PRELID2: variants seen among roughly 807,000 people sequenced by gnomAD.
PRELID2 encodes the protein PRELI domain containing 2.
Under a neutral mutation model 28.4 loss-of-function variants are expected in PRELID2, and 25 were observed. The observed-to-expected ratio is 0.88, with a 90% CI of 0.64 to 1.23. PRELID2 has a LOEUF of 1.23. PRELID2 is among the 50% of genes most tolerant of loss of function. The pLI, the probability that PRELID2 is intolerant of heterozygous loss-of-function variation, is 0.00. For synonymous variants in PRELID2, 76 were observed against 71.6 expected (o/e 1.06, Z -0.31); for missense variants, 201 against 214.4 (o/e 0.94, Z 0.39).
chr5:145,435,109 G>C, the PRELID2 span, among the ~76,000 whole-genome samples: 3 of 152,124 alleles, frequency 2.0e-5, no homozygotes, highest in East Asian at 5.8e-4. Context: ...CAGTGGGCAA[G>C]ACAAAACCTT....
intron 1 of PRELID2, among the ~76,000 whole-genome samples, chr5:145,667,120 C>T (rs184631628): frequency 2.1e-4 from 32 of 152,116 alleles, no homozygotes; most frequent in African/African-American, 4.8e-4. Context: ...AGTCTCAATA[C>T]GCAGAGAAAA....
chr5:145,340,770 C>CATATATATATATATATATAT, the PRELID2 span, among the ~76,000 whole-genome samples: 184 of 116,520 alleles, frequency 1.6e-3, 3 homozygotes, highest in South Asian at 2.4e-3. Flanking sequence ...TAAAAATATA[C>CATATATATATATATATATAT]ATATATATAT....
chr5:145,701,094 G>T (rs1755395479), intron 1 of PRELID2, among the ~76,000 whole-genome samples: 1 of 152,180 alleles, frequency 6.6e-6, no homozygotes, highest in African/African-American at 2.4e-5. Context: ...TCCATGGATG[G>T]CAATTCCAAG....
chr5:145,732,967 T>C (rs1043706157), intron 1 of PRELID2, among the ~76,000 whole-genome samples: 2 of 151,568 alleles, frequency 1.3e-5, no homozygotes, highest in African/African-American at 4.8e-5. Context: ...GAACACATTA[T>C]TTGTATAGGT....
the PRELID2 span, among the ~76,000 whole-genome samples, chr5:145,365,154 C>G: frequency 7.2e-5 from 11 of 151,744 alleles, no homozygotes; most frequent in South Asian, 2.3e-3. Flanking sequence ...TCAAAGGGTA[C>G]GAAATTTCAG....
intron 1 of PRELID2, among the ~76,000 whole-genome samples, chr5:145,740,265 AATATATATATATATATATATAT>A (rs70998029): frequency 0.04 from 1,630 of 40,690 alleles, 42 homozygotes; most frequent in Non-Finnish European, 0.059. Flanking sequence ...GGATTTATCA[AATATATATATATATATATATAT>A]ATATATATAT....
At chr5:145,467,918 A>G (rs1752017142), downstream of PRELID2, among the ~76,000 whole-genome samples, 2 of 151,032 alleles carry the variant, frequency 1.3e-5, no homozygotes, top group African/African-American at 2.4e-5. Context: ...TTTTTTATAT[A>G]TATATTTTTT....
chr5:145,612,048 G>A (rs898361407), intron 1 of PRELID2, among the ~76,000 whole-genome samples: 1 of 152,104 alleles, frequency 6.6e-6, no homozygotes, highest in Non-Finnish European at 1.5e-5. Context: ...AAAACCAGGT[G>A]TTTTACCAAC....
chr5:145,700,646 C>G (rs1755384496), intron 1 of PRELID2, among the ~76,000 whole-genome samples: 1 of 152,110 alleles, frequency 6.6e-6, no homozygotes, highest in African/African-American at 2.4e-5. Flanking sequence ...TCCTTGCTGC[C>G]CACCACAGGT....
chr5:145,414,654 C>A, the PRELID2 span, among the ~76,000 whole-genome samples: 1 of 152,122 alleles, frequency 6.6e-6, no homozygotes, highest in East Asian at 1.9e-4. Context: ...AATAAATACA[C>A]AATGCATACA....
At chr5:145,324,205 G>A in the PRELID2 span, among the ~76,000 whole-genome samples, 1 of 152,152 alleles carries the variant, frequency 6.6e-6, no homozygotes. Context: ...AGGTGACAGG[G>A]AATCACTGTG....
intron 1 of PRELID2, among the ~76,000 whole-genome samples, chr5:145,685,631 A>G (rs747618349): frequency 6.6e-6 from 1 of 152,048 alleles, no homozygotes; most frequent in East Asian, 1.9e-4. Flanking sequence ...AACATTGTCT[A>G]TGAGTGTAGA....
intron 5 of PRELID2, among the ~76,000 whole-genome samples, chr5:145,793,038 C>A (rs1373444736): frequency 6.6e-6 from 1 of 152,154 alleles, no homozygotes; most frequent in Non-Finnish European, 1.5e-5. Context: ...AACTTGGCTG[C>A]CAAACGGAAA....
intron 6 of PRELID2, among the ~76,000 whole-genome samples, chr5:145,763,535 C>T (rs1757576906): frequency 6.6e-6 from 1 of 152,156 alleles, no homozygotes; most frequent in South Asian, 2.1e-4. Flanking sequence ...TACAATTCTC[C>T]GAATGATGTT....
At chr5:145,815,861 T>C (rs903452474) in intron 4 of PRELID2, among the ~76,000 whole-genome samples, 6 of 152,156 alleles carry the variant, frequency 3.9e-5, no homozygotes, top group African/African-American at 1.4e-4. Context: ...GCTATGAAAG[T>C]TTTGTACAAG....
chr5:145,326,493 A>T, the PRELID2 span, among the ~76,000 whole-genome samples: 1 of 152,236 alleles, frequency 6.6e-6, no homozygotes. Flanking sequence ...CCTCATTTCA[A>T]GAATTACTAT....
At chr5:145,833,830 G>C (rs1199783327) in intron 1 of PRELID2, among the ~76,000 whole-genome samples, 1 of 152,206 alleles carries the variant, frequency 6.6e-6, no homozygotes, top group Non-Finnish European at 1.5e-5. Flanking sequence ...TGCAACTGTT[G>C]CAAATTTTGC....
the PRELID2 span, among the ~76,000 whole-genome samples, chr5:145,299,650 T>C: frequency 2.1e-4 from 31 of 150,198 alleles, 1 homozygote; most frequent in African/African-American, 7.4e-4. Flanking sequence ...TGTGCGTGTG[T>C]GTGTGTGTGT....
intron 1 of PRELID2, among the ~76,000 whole-genome samples, chr5:145,680,817 A>G (rs79138245): frequency 6.6e-6 from 1 of 152,114 alleles, no homozygotes; most frequent in Non-Finnish European, 1.5e-5. Context: ...GAAAAAAAAA[A>G]GCGTATAACA....
Sources: gnomAD v4.1 joint callset for allele counts (sites outside exome capture counted in the v4.1 genomes callset) on GRCh38, gnomAD v4.1.1 for gene constraint, MANE v1.5 for transcripts, NCBI Gene and HGNC (gene_info 2026-07-23, HGNC 2026-07-21) for gene names.